Variants in A2ML1 observed in about 807,000 individuals in gnomAD.
A2ML1 encodes alpha-2-macroglobulin like 1.
A neutral mutation model predicts 181.9 loss-of-function variants in A2ML1; 161 were observed. The observed-to-expected ratio is 0.89, with a 90% CI of 0.78 to 1.01. A2ML1 has a LOEUF of 1.01. Among genes scored for constraint, A2ML1 ranks in the 50% least tolerant of loss-of-function variants. The pLI is 0.00. For synonymous variants in A2ML1, 663 were observed against 666.8 expected, an observed-to-expected ratio of 0.99 and a Z score of 0.09; for missense variants, 1,670 against 1,768.1, an observed-to-expected ratio of 0.94 and a Z score of 1.00.
intron 3 of A2ML1, among the ~76,000 whole-genome samples, chr12:8,825,843 T>C (rs1345964964): frequency 6.6e-6 from 1 of 152,250 alleles, no homozygotes; most frequent in East Asian, 1.9e-4. Context: ...GAACCATTTA[T>C]TGAAGAGCCT....
At chr12:8,857,084 T>C in intron 23 of A2ML1, 80 bp from the exon 24 acceptor site, 8 of 1,376,028 alleles carry the variant, frequency 5.8e-6, no homozygotes, top group Non-Finnish European at 8.0e-6. Context: ...AATACGTGTT[T>C]GTTCAGTGAA....
chr12:8,823,862 T>C lies in A2ML1; in HGVS notation c.389T>C (p.Leu130Pro), dbSNP rs1942832495. 19 of 1,613,446 alleles carry C rather than the reference T, an allele frequency of 1.2e-5. No homozygotes were observed. Among genetic ancestry groups the C allele is most frequent in the Non-Finnish European group, 1.6e-5 (19 of 1,179,680 alleles). The change falls in exon 3 of 36, where the codon CTC (leucine) becomes CCC (proline). Residue 130 changes from leucine (L) to proline (P), a missense_variant. Transcript: ENST00000299698. ...NGTFVQTDKP[L>P]YTPGQQVYFR... The stretch of plus-strand genomic sequence containing the variant: ...ACCTTTGTACAGACTGACAAACCTC[T>C]CTACACCCCAGGGCAGCAAGGTAAG...
In A2ML1 at chr12:8,823,830, G is replaced by A. The variant is rs200671971; in HGVS notation, c.357G>A (p.Gly119=). ...EKKKVLIQRQ[G]NGTFVQTDKP... The stretch of plus-strand genomic sequence containing the variant: ...AAAAGGTTCTAATTCAGAGGCAGGG[G>A]AACGGCACCTTTGTACAGACTGACA... Residue 119 remains glycine (G), a synonymous_variant, in exon 3 of 36, where the codon GGG becomes GGA. Transcript: ENST00000299698. 7 of 1,614,088 alleles carry A rather than the reference G, an allele frequency of 4.3e-6. No individual in the cohort carries two copies. The highest frequency in any genetic ancestry group is 4.5e-5 in the East Asian group (2 of 44,882).
At chr12:8,844,252 C>G (rs1943591428) in intron 12 of A2ML1, among the ~76,000 whole-genome samples, 2 of 148,996 alleles carry the variant, frequency 1.3e-5, no homozygotes. Flanking sequence ...AGGGATGGGA[C>G]TCAGGATACT....
At chr12:8,866,348 T>C (rs1257639678) in intron 29 of A2ML1, among the ~76,000 whole-genome samples, 1 of 142,660 alleles carries the variant, frequency 7.0e-6, no homozygotes, top group East Asian at 2.0e-4. Flanking sequence ...AGTTTAAATA[T>C]GGTAATGACT....
At chr12:8,831,418 T>G (rs1943110297) in intron 4 of A2ML1, among the ~76,000 whole-genome samples, 1 of 152,212 alleles carries the variant, frequency 6.6e-6, no homozygotes, top group Non-Finnish European at 1.5e-5. Context: ...CTTCCAGGTG[T>G]TCTGTTTTCT....
chr12:8,868,739 CATGTATAT>C, intron 32 of A2ML1, 112 bp downstream of exon 32: 7 of 643,954 alleles, frequency 1.1e-5, no homozygotes, highest in Non-Finnish European at 1.9e-5. Flanking sequence ...ACACACAAGG[CATGTATAT>C]ACATACATAT....
At chr12:8,887,329 C>T (rs544221918), downstream of A2ML1, among the ~76,000 whole-genome samples, 5 of 152,278 alleles carry the variant, frequency 3.3e-5, no homozygotes, top group East Asian at 5.8e-4. Context: ...TTAACTGCTC[C>T]TCTGTAAGGT....
chr12:8,845,384 G>C, intron 12 of A2ML1, 58 bp from the exon 13 acceptor site: 1 of 1,585,426 alleles, frequency 6.3e-7, no homozygotes, highest in South Asian at 1.1e-5. Flanking sequence ...CTGGAAGTTG[G>C]TCCAAGGTGA....
At chr12:8,834,518 C>A in intron 4 of A2ML1, 144 bp from the exon 5 acceptor site, 1 of 964,398 alleles carries the variant, frequency 1.0e-6, no homozygotes, top group Non-Finnish European at 1.6e-6. Context: ...CTTTTCAGGG[C>A]ACAAAAGAGC....
intron 10 of A2ML1, among the ~76,000 whole-genome samples, chr12:8,840,632 G>A (rs370103520): frequency 1.3e-5 from 2 of 152,060 alleles, no homozygotes; most frequent in South Asian, 2.1e-4. Flanking sequence ...AAAATAGGCT[G>A]GGCACAATGG....
chr12:8,826,211 G>T (rs1942924634), intron 3 of A2ML1, among the ~76,000 whole-genome samples: 1 of 152,062 alleles, frequency 6.6e-6, no homozygotes, highest in Non-Finnish European at 1.5e-5. Context: ...AGGTAGTACG[G>T]AATTTTAACA....
intron 23 of A2ML1, among the ~76,000 whole-genome samples, chr12:8,856,678 G>C (rs979095584): frequency 6.6e-6 from 1 of 152,132 alleles, no homozygotes; most frequent in Non-Finnish European, 1.5e-5. Context: ...TCAGTGACAT[G>C]TCTTCTTAAA....
chr12:8,874,674 A>G, intron 34 of A2ML1, 147 bp downstream of exon 34: 1 of 681,284 alleles, frequency 1.5e-6, no homozygotes. Flanking sequence ...TAATCTCCTA[A>G]AATATTTTAA....
chr12:8,855,488 C>G, intron 22 of A2ML1, 21 bp from the exon 23 acceptor site: 2 of 1,612,866 alleles, frequency 1.2e-6, no homozygotes, highest in Non-Finnish European at 8.5e-7. Context: ...ATTGTGTCAC[C>G]TTTTTTTCTG....
chr12:8,841,312 T>C, intron 10 of A2ML1, 57 bp from the exon 11 acceptor site: 1 of 1,523,572 alleles, frequency 6.6e-7, no homozygotes, highest in Non-Finnish European at 8.9e-7. Flanking sequence ...TCACTTTACC[T>C]CATACTCAAG....
intron 24 of A2ML1, 74 bp from the exon 25 acceptor site, chr12:8,857,433 C>CT: frequency 6.2e-7 from 1 of 1,606,998 alleles, no homozygotes; most frequent in African/African-American, 1.3e-5. Flanking sequence ...CCTCAAGTGT[C>CT]CCATATCCTT....
In A2ML1 at chr12:8,864,097, G is replaced by A. The variant is rs572299172; in HGVS notation, c.3717+89G>A. Reference sequence around the variant, plus strand: ...GAAAACATATTGTCCTTGCCTTCTCGGTCCAGGGGCTTAGAGAGAGGAAAA... The same window carrying A: ...GAAAACATATTGTCCTTGCCTTCTCAGTCCAGGGGCTTAGAGAGAGGAAAA... On this transcript the variant is annotated intron_variant, in intron 29 of 35. Transcript: ENST00000299698. 3.4e-4 allele frequency: 425 copies of A among 1,232,460 alleles called. No individual in the cohort carries two copies. In the Middle Eastern group the frequency reaches 4.2e-3, roughly 12 times the overall value. The allele number at this position is 1,232,460 out of a possible 1,614,324, so 76.3% of individuals were successfully genotyped here.
chr12:8,835,610 A>G lies in A2ML1; in HGVS notation c.587A>G (p.Tyr196Cys). The G allele has an allele frequency of 6.2e-7, 1 of 1,614,206 alleles. No individual in the cohort carries two copies. Among genetic ancestry groups the G allele is most frequent in the Non-Finnish European group, 8.5e-7 (1 of 1,180,036 alleles). ...GCACCAGAGGCAATGCTGGGCACCT[A>G]CACTGTGGCAGTGGCTGAGGGCAAG... ...QLAPEAMLGT[Y>C]TVAVAEGKTF... The change falls in exon 6 of 36, where the codon TAC (tyrosine) becomes TGC (cysteine). Residue 196 changes from tyrosine (Y) to cysteine (C), a missense_variant. Coordinates refer to ENST00000299698, the MANE Select transcript of A2ML1 (RefSeq NM_144670.6).
Sources: allele counts gnomAD v4.1 joint callset (sites outside exome capture counted in the v4.1 genomes callset), GRCh38; gene constraint gnomAD v4.1.1; transcripts MANE v1.5; gene names NCBI Gene and HGNC (gene_info 2026-07-23, HGNC 2026-07-21).